The following DACH2 variants were observed in gnomAD, a reference collection of about 807,000 sequenced individuals.
DACH2 encodes the protein dachshund homolog 2.
DACH2 carries 17 observed loss-of-function variants against 35.8 expected under a neutral mutation model. That is an observed-to-expected ratio of 0.48 (90% CI 0.33 to 0.71). DACH2 has a LOEUF of 0.71. Ranked by LOEUF, DACH2 falls within the 30% of genes least tolerant of loss-of-function variation. DACH2 has a pLI of 0.02. For missense variants in DACH2, 469 were observed against 472.7 expected (o/e 0.99, Z 0.07); for synonymous variants, 195 against 177.3 (o/e 1.10, Z -0.79).
At chrX:86,451,920 G>C (rs1421817084) in intron 2 of DACH2, among the ~76,000 whole-genome samples, 1 of 111,285 alleles carries the variant, frequency 9.0e-6, no homozygotes, top group Non-Finnish European at 1.9e-5. Context: ...TTCTTGTCTT[G>C]TACCGGTTGT....
intron 1 of DACH2, among the ~76,000 whole-genome samples, chrX:86,338,624 G>A (rs190370463): frequency 9.0e-5 from 10 of 111,373 alleles, no homozygotes; most frequent in East Asian, 8.5e-4. Flanking sequence ...AGGAAAGATC[G>A]GAAATCAACA....
intron 7 of DACH2, among the ~76,000 whole-genome samples, chrX:86,794,523 T>G (rs148224641): frequency 0.062 from 6,859 of 110,592 alleles, 231 homozygotes; most frequent in East Asian, 0.13. Context: ...AAAGTTTTCC[T>G]TTACAACATG....
chrX:86,560,480 G>T (rs775008271), intron 3 of DACH2, among the ~76,000 whole-genome samples: 4 of 106,864 alleles, frequency 3.7e-5, no homozygotes, highest in Non-Finnish European at 1.9e-5. Flanking sequence ...GAATCTGAAA[G>T]TTGGCCTGCC....
At chrX:86,660,120 G>C (rs1602750132) in intron 4 of DACH2, among the ~76,000 whole-genome samples, 1 of 111,263 alleles carries the variant, frequency 9.0e-6, no homozygotes, top group East Asian at 2.8e-4. Flanking sequence ...ATTTATTCAT[G>C]GGTGATCACT....
chrX:86,603,727 G>T (rs1398576465), intron 3 of DACH2, among the ~76,000 whole-genome samples: 3 of 111,174 alleles, frequency 2.7e-5, no homozygotes, highest in Non-Finnish European at 5.7e-5. Context: ...CACTTGGCTT[G>T]ATATGCTATT....
Position 86,823,739 on chromosome X carries a change from C to T in DACH2, c.1750+7640C>T, listed in dbSNP as rs527457850. Among the ~76,000 whole-genome samples, 43 of 111,377 alleles carry T rather than the reference C, an allele frequency of 3.9e-4. No individual in the cohort carries two copies. The South Asian group carries it at 0.015, about 39-fold the overall frequency. On this transcript the variant is annotated intron_variant, in intron 11 of 11. Transcript: ENST00000373125. ...GAGAGTAATTTTACAGCTGGGCCAC[C>T]GGGGGTGACATCACATATTGGTAGG... is the stretch of plus-strand genomic sequence containing the variant.
At chrX:86,455,513 C>A (rs1463810105) in intron 2 of DACH2, among the ~76,000 whole-genome samples, 2 of 112,045 alleles carry the variant, frequency 1.8e-5, no homozygotes, top group Non-Finnish European at 3.8e-5. Flanking sequence ...GGGTCCCAGA[C>A]CAGTGAAGAG....
At chrX:86,425,817 C>T (rs987986090) in intron 2 of DACH2, among the ~76,000 whole-genome samples, 5 of 110,595 alleles carry the variant, frequency 4.5e-5, no homozygotes, top group Non-Finnish European at 7.6e-5. Context: ...ATTTGAGGTA[C>T]AGTATTACTC....
At chrX:86,225,481 C>T (rs1322375038) in intron 1 of DACH2, among the ~76,000 whole-genome samples, 1 of 110,837 alleles carries the variant, frequency 9.0e-6, no homozygotes. Context: ...CATAAAGTGT[C>T]TCAAAATGTG....
chrX:86,226,925 T>C (rs2032838327), intron 1 of DACH2, among the ~76,000 whole-genome samples: 1 of 111,645 alleles, frequency 9.0e-6, no homozygotes, highest in African/African-American at 3.2e-5. Flanking sequence ...ACTAACTAGA[T>C]ACAAATCCTG....
intron 2 of DACH2, among the ~76,000 whole-genome samples, chrX:86,479,299 C>T (rs2037899529): frequency 1.8e-5 from 2 of 110,602 alleles, no homozygotes; most frequent in Admixed American, 1.9e-4. Flanking sequence ...GAAAATGCAA[C>T]ATTTGGGCGT....
At chrX:86,319,281 T>G (rs2034972822) in intron 1 of DACH2, among the ~76,000 whole-genome samples, 1 of 112,412 alleles carries the variant, frequency 8.9e-6, no homozygotes, top group Non-Finnish European at 1.9e-5. Context: ...TTAATTTAAT[T>G]TAAGACAATT....
At chrX:86,568,203 C>G (rs1397100350) in intron 3 of DACH2, among the ~76,000 whole-genome samples, 1 of 111,257 alleles carries the variant, frequency 9.0e-6, no homozygotes, top group African/African-American at 3.3e-5. Context: ...GTATAACACT[C>G]TAATTGTGGA....
At chrX:86,468,364 A>G (rs1198577051) in intron 2 of DACH2, among the ~76,000 whole-genome samples, 1 of 111,379 alleles carries the variant, frequency 9.0e-6, no homozygotes, top group East Asian at 2.8e-4. Flanking sequence ...ATGAATATAT[A>G]TGTGAGTGGC....
chrX:86,293,749 G>A (rs1320464990), intron 1 of DACH2, among the ~76,000 whole-genome samples: 6 of 110,946 alleles, frequency 5.4e-5, no homozygotes, highest in Non-Finnish European at 1.1e-4. Flanking sequence ...TTGAATATTG[G>A]CCCCCACTCT....
At chrX:86,174,275 A>G (rs1422701712) in intron 1 of DACH2, among the ~76,000 whole-genome samples, 1 of 108,961 alleles carries the variant, frequency 9.2e-6, no homozygotes, top group Non-Finnish European at 1.9e-5. Context: ...GGCAAACATC[A>G]CCATGGCCAG....
At chrX:86,163,992 G>A (rs2030856589) in intron 1 of DACH2, among the ~76,000 whole-genome samples, 1 of 111,681 alleles carries the variant, frequency 9.0e-6, no homozygotes. Flanking sequence ...CGCTCTTTGA[G>A]GAATCACCAA....
rs770958865 is a variant in DACH2 at position 86,441,609 on chromosome X, G to A, written c.527+64747G>A. Among the ~76,000 whole-genome samples, 3 of 109,037 alleles carry A rather than the reference G, an allele frequency of 2.8e-5. No homozygotes were observed. The East Asian group carries it at 8.7e-4, about 32-fold the overall frequency. 94.7% of individuals were successfully genotyped at this position (109,037 alleles called of 115,157 possible). A position where few individuals can be genotyped will look rare whatever the true frequency, so the allele number is the denominator to read the frequency against. On this transcript the variant is annotated intron_variant, in intron 2 of 11. Coordinates refer to ENST00000373125, the MANE Select transcript of DACH2 (RefSeq NM_053281.3). ...GTGAATTTTGCTGTAATAAACATGG[G>A]AATGCAGATACCTCTTTGATATACT...
At chrX:86,692,692 T>A (rs925052171) in intron 4 of DACH2, among the ~76,000 whole-genome samples, 3 of 112,069 alleles carry the variant, frequency 2.7e-5, no homozygotes, top group African/African-American at 9.7e-5. Flanking sequence ...TCATATTGTA[T>A]AATTTAATGT....
Sources: allele counts gnomAD v4.1 joint callset (sites outside exome capture counted in the v4.1 genomes callset), GRCh38; gene constraint gnomAD v4.1.1; transcripts MANE v1.5; gene names NCBI Gene and HGNC (gene_info 2026-07-23, HGNC 2026-07-21).